ACSS3: variants seen among roughly 807,000 people sequenced by gnomAD.
ACSS3 encodes acyl-CoA synthetase short chain family member 3.
ACSS3 carries 64 observed loss-of-function variants against 84.2 expected under a neutral mutation model. The ratio of observed to expected loss-of-function variants is 0.76; its 90% CI spans 0.62 to 0.94. The LOEUF (loss-of-function observed/expected upper bound fraction) is 0.94. Among genes scored for constraint, ACSS3 ranks in the 40% least tolerant of loss-of-function variants. ACSS3 has a pLI of 0.00. For synonymous variants in ACSS3, 317 were observed against 310.1 expected (o/e 1.02, Z -0.23); for missense variants, 815 against 867.6 (o/e 0.94, Z 0.76).
At chr12:81,219,754 G>A (rs2033039889) in intron 10 of ACSS3, among the ~76,000 whole-genome samples, 1 of 152,022 alleles carries the variant, frequency 6.6e-6, no homozygotes, top group South Asian at 2.1e-4. Context: ...ACATAGAGAT[G>A]AAATTACCAC....
Position 81,196,489 on chromosome 12 carries a change from C to G in ACSS3, c.1251-2852C>G, listed in dbSNP as rs1243637445. Among the ~76,000 whole-genome samples the G allele has an allele frequency of 2.6e-5, 4 of 151,412 alleles. No individual in the cohort carries two copies. In the South Asian group the frequency reaches 8.3e-4, roughly 31 times the overall value. On this transcript the variant is annotated intron_variant, in intron 8 of 15. Coordinates refer to ENST00000548058, the MANE Select transcript of ACSS3 (RefSeq NM_024560.4). ...AATTTGACCTTATTCTTTTTTTTCTCTGAATGTGGCTACTAGAAAATTTTA... is the reference window on the plus strand; with the variant it reads ...AATTTGACCTTATTCTTTTTTTTCTGTGAATGTGGCTACTAGAAAATTTTA...
At chr12:81,118,553 T>G (rs1330756940) in intron 2 of ACSS3, among the ~76,000 whole-genome samples, 1 of 152,034 alleles carries the variant, frequency 6.6e-6, no homozygotes, top group Non-Finnish European at 1.5e-5. Context: ...GGTGGAGGCA[T>G]CTTGATGGGG....
chr12:81,231,095 A>G lies in ACSS3; in HGVS notation c.1553A>G (p.Lys518Arg). Residue 518 changes from lysine to arginine, a missense_variant, in exon 12 of 16, where the codon AAG (lysine) becomes AGG (arginine). Physicochemically the swap from Lys to Arg is conservative, Grantham distance 26 (BLOSUM62 2). Transcript: ENST00000548058. The stretch of plus-strand genomic sequence containing the variant: ...CCTGGGGCTTTTTCAGGACTCTGGA[A>G]GAATCAGGAAGCATTCAAGCATTTA... ...LPPGAFSGLWKNQEAFKHLYF... is the reference protein window; with the variant it reads ...LPPGAFSGLWRNQEAFKHLYF... 3 of 1,611,002 alleles carry G rather than the reference A, an allele frequency of 1.9e-6. No individual in the cohort carries two copies. Among genetic ancestry groups the G allele is most frequent in the Non-Finnish European group, 2.5e-6 (3 of 1,178,210 alleles).
At chr12:81,161,360 G>A (rs1212200318) in intron 7 of ACSS3, among the ~76,000 whole-genome samples, 1 of 152,152 alleles carries the variant, frequency 6.6e-6, no homozygotes, top group Non-Finnish European at 1.5e-5. Context: ...TATCCTTTAA[G>A]TGTAGGACTT....
rs576037410 is a variant in ACSS3 at position 81,110,581 on chromosome 12, G to A, written c.456+877G>A. Among the ~76,000 whole-genome samples, 6 of 152,314 alleles carry A rather than the reference G, an allele frequency of 3.9e-5. No individual in the cohort carries two copies. In the South Asian group the frequency reaches 1.2e-3, roughly 32 times the overall value. ...AAAGAGAGGTAATGGTGCAAGGCAG[G>A]ATTTCTCAACTTTGGCACTGTTGAT... On this transcript the variant is annotated intron_variant, in intron 2 of 15. Transcript: ENST00000548058.
chr12:81,109,603 C>G lies in ACSS3; in HGVS notation c.355C>G (p.Arg119Gly), dbSNP rs759012460. The G allele has an allele frequency of 2.1e-5, 34 of 1,611,988 alleles. No individual in the cohort carries two copies. Among genetic ancestry groups the G allele is most frequent in the African/African-American group, 5.3e-5 (4 of 74,830 alleles). The change falls in exon 2 of 16, where the codon CGT (arginine) becomes GGT (glycine). Residue 119 changes from arginine to glycine, a missense_variant. Arg to Gly is a moderately radical substitution (Grantham distance 125). Transcript: ENST00000548058. Reference protein sequence around the residue: ...MLNICYNAVDRHIENGKGDKI... With the variant: ...MLNICYNAVDGHIENGKGDKI... ...TAACATTTGTTACAATGCCGTTGAT[C>G]GTCATATTGAAAATGGTAAAGGGGA...
At chr12:81,107,573 G>C in intron 1 of ACSS3, among the ~76,000 whole-genome samples, 1 of 94,912 alleles carries the variant, frequency 1.1e-5, no homozygotes, top group Admixed American at 1.4e-4. Flanking sequence ...TGTTTTTGTG[G>C]GAAATTCTAT....
At chr12:81,082,098 A>T (rs1881016227) in intron 1 of ACSS3, among the ~76,000 whole-genome samples, 1 of 152,222 alleles carries the variant, frequency 6.6e-6, no homozygotes, top group South Asian at 2.1e-4. Context: ...ATGCAGGGGT[A>T]CATGTGCAGG....
chr12:81,245,922 T>C (rs1037249541), intron 13 of ACSS3, among the ~76,000 whole-genome samples: 28 of 152,164 alleles, frequency 1.8e-4, no homozygotes, highest in African/African-American at 6.8e-4. Flanking sequence ...TCTCCTTTGC[T>C]GTTCTTATGG....
chr12:81,151,765 T>G, intron 5 of ACSS3, 79 bp from the exon 6 acceptor site: 1 of 1,299,734 alleles, frequency 7.7e-7, no homozygotes, highest in Non-Finnish European at 1.1e-6. Flanking sequence ...ACCAGGAACT[T>G]TTAAAGTGGA....
chr12:81,107,503 AAT>A (rs1307138595), intron 1 of ACSS3, among the ~76,000 whole-genome samples: 1 of 59,566 alleles, frequency 1.7e-5, no homozygotes, highest in South Asian at 7.2e-4. Flanking sequence ...TTCAGGTACA[AAT>A]ATATACATAT....
At chr12:81,165,340 A>G (rs1887348187) in intron 7 of ACSS3, among the ~76,000 whole-genome samples, 1 of 152,142 alleles carries the variant, frequency 6.6e-6, no homozygotes, top group African/African-American at 2.4e-5. Flanking sequence ...TATTCAAGGA[A>G]TTAAGATTAA....
intron 3 of ACSS3, among the ~76,000 whole-genome samples, chr12:81,137,323 A>T (rs1278035404): frequency 1.7e-4 from 9 of 51,716 alleles, no homozygotes; most frequent in African/African-American, 4.4e-4. Context: ...TTCATCCATC[A>T]CACACACACA....
upstream of ACSS3, chr12:81,078,060 C>G: frequency 1.4e-6 from 2 of 1,432,034 alleles, no homozygotes; most frequent in East Asian, 5.0e-5. Context: ...TCCCTCAGGC[C>G]CCAGGAAGTT....
At chr12:81,105,551 T>G (rs907213237) in intron 1 of ACSS3, among the ~76,000 whole-genome samples, 1 of 152,194 alleles carries the variant, frequency 6.6e-6, no homozygotes, top group Admixed American at 6.5e-5. Context: ...CCCTGGGTAT[T>G]CTTCTTATCT....
chr12:81,159,486 A>G (rs1212014638), intron 7 of ACSS3, among the ~76,000 whole-genome samples: 1 of 152,156 alleles, frequency 6.6e-6, no homozygotes, highest in Non-Finnish European at 1.5e-5. Context: ...GCAGTATGAG[A>G]TGTTTAAAGT....
intron 8 of ACSS3, among the ~76,000 whole-genome samples, chr12:81,188,919 T>C (rs1487479864): frequency 6.6e-6 from 1 of 152,162 alleles, no homozygotes; most frequent in African/African-American, 2.4e-5. Context: ...GTTACCATTT[T>C]TGTGGTGAGA....
At chr12:81,172,092 C>T (rs1467996610) in intron 7 of ACSS3, among the ~76,000 whole-genome samples, 1 of 151,948 alleles carries the variant, frequency 6.6e-6, no homozygotes, top group African/African-American at 2.4e-5. Context: ...CATGGTGAAA[C>T]CCAGTCTCTA....
intron 9 of ACSS3, among the ~76,000 whole-genome samples, chr12:81,213,956 T>C (rs1452044880): frequency 3.0e-4 from 11 of 36,262 alleles, no homozygotes; most frequent in Admixed American, 1.0e-3. Flanking sequence ...TCTCCCTCTC[T>C]CTCTTTCTTT....
Sources: allele counts gnomAD v4.1 joint callset (sites outside exome capture counted in the v4.1 genomes callset), GRCh38; gene constraint gnomAD v4.1.1; transcripts MANE v1.5; gene names NCBI Gene and HGNC (gene_info 2026-07-23, HGNC 2026-07-21).